Variants in MTHFD1L observed in about 807,000 individuals in gnomAD.
MTHFD1L encodes the protein monofunctional C1-tetrahydrofolate synthase, mitochondrial.
MTHFD1L carries 81 observed loss-of-function variants against 119.5 expected under a neutral mutation model. The observed-to-expected ratio is 0.68, with a 90% CI of 0.57 to 0.82. The LOEUF (loss-of-function observed/expected upper bound fraction) is 0.82, where lower values mean the gene tolerates loss of function less well. Ranked by LOEUF, MTHFD1L falls within the 40% of genes least tolerant of loss-of-function variation. MTHFD1L has a pLI of 0.00. For missense variants in MTHFD1L, 1,125 were observed against 1,253.4 expected, an observed-to-expected ratio of 0.90 and a Z score of 1.55; for synonymous variants, 430 against 475.2, an observed-to-expected ratio of 0.90 and a Z score of 1.24.
At chr6:150,953,273 T>A (rs909175752) in intron 16 of MTHFD1L, among the ~76,000 whole-genome samples, 6 of 152,226 alleles carry the variant, frequency 3.9e-5, no homozygotes, top group African/African-American at 1.4e-4. Context: ...ATACTGTGGA[T>A]GTTCCTTAGG....
chr6:150,954,453 C>T (rs959234981), intron 16 of MTHFD1L, among the ~76,000 whole-genome samples: 5 of 152,008 alleles, frequency 3.3e-5, no homozygotes, highest in Admixed American at 1.3e-4. Context: ...TTTGGGAGGC[C>T]GAGGCAGGTG....
chr6:150,875,962 T>TG, intron 1 of MTHFD1L, 128 bp from the exon 2 acceptor site: 1 of 734,486 alleles, frequency 1.4e-6, no homozygotes, highest in Non-Finnish European at 2.4e-6. Flanking sequence ...AGTGTACACT[T>TG]GGAGTGCGTC....
intron 20 of MTHFD1L, among the ~76,000 whole-genome samples, chr6:150,992,312 C>G (rs1779162991): frequency 6.6e-6 from 1 of 152,180 alleles, no homozygotes; most frequent in Non-Finnish European, 1.5e-5. Context: ...TGTATACAAT[C>G]TGTTACATTT....
chr6:150,921,917 A>G (rs907762389), intron 9 of MTHFD1L, among the ~76,000 whole-genome samples: 7 of 152,218 alleles, frequency 4.6e-5, no homozygotes, highest in Admixed American at 3.3e-4. Flanking sequence ...CATCAAGTTC[A>G]TGCATGCATA....
At chr6:150,909,059 A>T (rs112296973) in intron 8 of MTHFD1L, among the ~76,000 whole-genome samples, 2,493 of 152,158 alleles carry the variant, frequency 0.016, 62 homozygotes, top group African/African-American at 0.056. Context: ...GTGATTTATG[A>T]TGAGGCAATT....
At chr6:150,910,799 G>C (rs1786757683) in intron 8 of MTHFD1L, among the ~76,000 whole-genome samples, 1 of 152,056 alleles carries the variant, frequency 6.6e-6, no homozygotes, top group Non-Finnish European at 1.5e-5. Context: ...CATGTCACCT[G>C]CACACAAAAC....
chr6:151,057,204 T>G (rs1790077665), intron 26 of MTHFD1L: 1 of 985,144 alleles, frequency 1.0e-6, no homozygotes, highest in African/African-American at 1.7e-5. Flanking sequence ...ATGATCCTGA[T>G]TTCTGTCAAT....
At position 151,000,140 on chromosome 6, in the gene MTHFD1L, C is replaced by T. The variant is rs186706369; in HGVS notation, c.2126-9679C>T. On this transcript the variant is annotated intron_variant, in intron 20 of 27. Coordinates refer to ENST00000367321, the MANE Select transcript of MTHFD1L (RefSeq NM_015440.5). ...GGATCACGAGGTCAAGACATTGAGA[C>T]CATCCTGGCCACATGGTGAAACCCC... Among the ~76,000 whole-genome samples, 3 of 152,222 alleles carry T rather than the reference C, an allele frequency of 2.0e-5. No homozygotes were observed. In the East Asian group the frequency reaches 5.8e-4, roughly 29 times the overall value.
chr6:151,088,404 A>G (rs2128644562), intron 26 of MTHFD1L: 1 of 147,120 alleles, frequency 6.8e-6, no homozygotes, highest in Non-Finnish European at 1.5e-5. Context: ...AAGTTGAAAC[A>G]AGAGGAAAGA....
At chr6:151,100,458 A>G (rs2128669935) in intron 27 of MTHFD1L, among the ~76,000 whole-genome samples, 1 of 152,228 alleles carries the variant, frequency 6.6e-6, no homozygotes, top group Non-Finnish European at 1.5e-5. Context: ...CAAGCACCTT[A>G]TCTGGCTCCA....
chr6:150,978,601 G>A (rs1057069806), intron 20 of MTHFD1L, among the ~76,000 whole-genome samples: 1 of 152,164 alleles, frequency 6.6e-6, no homozygotes, highest in Non-Finnish European at 1.5e-5. Context: ...GCAGTTCCAA[G>A]ACAAATTGAA....
At chr6:151,042,570 A>T (rs1236650574) in intron 26 of MTHFD1L, among the ~76,000 whole-genome samples, 2 of 152,216 alleles carry the variant, frequency 1.3e-5, no homozygotes, top group Admixed American at 1.3e-4. Context: ...CTCATGCCAA[A>T]AATAATTTAG....
At chr6:151,048,347 C>T (rs1350479467) in intron 26 of MTHFD1L, among the ~76,000 whole-genome samples, 1 of 152,110 alleles carries the variant, frequency 6.6e-6, no homozygotes, top group African/African-American at 2.4e-5. Flanking sequence ...CTTACCAAGT[C>T]GCCTCACCCA....
At chr6:150,882,029 A>T (rs113164802) in intron 4 of MTHFD1L, among the ~76,000 whole-genome samples, 1 of 152,236 alleles carries the variant, frequency 6.6e-6, no homozygotes, top group Non-Finnish European at 1.5e-5. Context: ...GTTAAGTGAG[A>T]TGAATCAGGA....
chr6:151,080,441 A>T (rs1793034414), intron 26 of MTHFD1L, among the ~76,000 whole-genome samples: 1 of 152,196 alleles, frequency 6.6e-6, no homozygotes, highest in African/African-American at 2.4e-5. Flanking sequence ...GAGGAGGGAC[A>T]GCTGTGCCCA....
chr6:151,094,548 G>A (rs1225778142), intron 27 of MTHFD1L, among the ~76,000 whole-genome samples: 1 of 151,692 alleles, frequency 6.6e-6, no homozygotes, highest in Non-Finnish European at 1.5e-5. Context: ...TTTTATTTAT[G>A]TATTTATTTA....
At chr6:151,064,281 A>T (rs1790978859) in intron 26 of MTHFD1L, among the ~76,000 whole-genome samples, 1 of 152,156 alleles carries the variant, frequency 6.6e-6, no homozygotes, top group African/African-American at 2.4e-5. Context: ...TGCCATTTTT[A>T]AGTCCTGATA....
chr6:150,918,713 G>C (rs371979226), intron 9 of MTHFD1L, 45 bp downstream of exon 9: 82 of 1,496,782 alleles, frequency 5.5e-5, no homozygotes, highest in Non-Finnish European at 7.5e-5. Flanking sequence ...TTGGAAGTTT[G>C]ATTAATAGTT....
chr6:150,887,698 C>T (rs1442671941), intron 6 of MTHFD1L, 147 bp from the exon 7 acceptor site: 2 of 706,044 alleles, frequency 2.8e-6, no homozygotes, highest in Admixed American at 3.6e-5. Context: ...CTGAAGTGAT[C>T]CGCCTGCCTC....
Sources: allele counts gnomAD v4.1 joint callset (sites outside exome capture counted in the v4.1 genomes callset), GRCh38; gene constraint gnomAD v4.1.1; transcripts MANE v1.5; gene names NCBI Gene and HGNC (gene_info 2026-07-23, HGNC 2026-07-21).